The following FAM217A variants were observed in gnomAD, a reference collection of about 807,000 sequenced individuals.
FAM217A encodes family with sequence similarity 217 member A, also known as protein FAM217A.
Under a neutral mutation model 18.5 loss-of-function variants are expected in FAM217A, and 13 were observed. The ratio of observed to expected loss-of-function variants is 0.70; its 90% CI spans 0.46 to 1.12. The LOEUF (loss-of-function observed/expected upper bound fraction) is 1.12. Ranked by LOEUF, FAM217A falls within the 50% of genes most tolerant of loss-of-function variation. The probability of loss-of-function intolerance (pLI) is 0.00; values close to 1 mark genes in which losing one functional copy is unlikely to be tolerated. For synonymous variants in FAM217A, 161 were observed against 202.8 expected, an observed-to-expected ratio of 0.79 and a Z score of 1.75; for missense variants, 560 against 575.4, an observed-to-expected ratio of 0.97 and a Z score of 0.27.
At chr6:4,084,455 A>G (rs1234682780) in intron 2 of FAM217A, 1 of 597,588 alleles carries the variant, frequency 1.7e-6, no homozygotes, top group Non-Finnish European at 3.0e-6. Context: ...TGATTTCTGC[A>G]ATTTGAATTG....
chr6:4,081,865 T>C (rs1651224845), upstream of FAM217A, among the ~76,000 whole-genome samples: 1 of 152,254 alleles, frequency 6.6e-6, no homozygotes, highest in Admixed American at 6.5e-5. Flanking sequence ...TTTCCCCTCT[T>C]CCTTGCTTTG....
chr6:4,085,930 C>T (rs113720899), intron 1 of FAM217A, among the ~76,000 whole-genome samples: 42 of 150,596 alleles, frequency 2.8e-4, no homozygotes, highest in African/African-American at 5.9e-4. Flanking sequence ...GGTAACATAG[C>T]GAGACCCTGT....
chr6:4,085,251 A>T (rs1008837198), intron 1 of FAM217A, among the ~76,000 whole-genome samples: 1 of 151,688 alleles, frequency 6.6e-6, no homozygotes, highest in Non-Finnish European at 1.5e-5. Context: ...CTTTAATTAC[A>T]CTATAATTAG....
At chr6:4,078,177 C>CCGAGCAGCTGGGATTACAGG (rs1769982555) in intron 1 of FAM217A, among the ~76,000 whole-genome samples, 1 of 151,782 alleles carries the variant, frequency 6.6e-6, no homozygotes, top group Non-Finnish European at 1.5e-5. Flanking sequence ...CCTCAGCCTC[C>CCGAGCAGCTGGGATTACAGG]CGAGCAGCTG....
chr6:4,070,005 A>C (rs1276209909), intron 6 of FAM217A, 85 bp from the exon 7 acceptor site: 1 of 1,014,988 alleles, frequency 9.9e-7, no homozygotes, highest in Non-Finnish European at 1.4e-6. Context: ...ACCCTTTATC[A>C]AAGATTGGTT....
chr6:4,084,017 G>A (rs991318186), upstream of FAM217A, among the ~76,000 whole-genome samples: 3 of 152,156 alleles, frequency 2.0e-5, no homozygotes, highest in African/African-American at 4.8e-5. Flanking sequence ...ATGGTTTAGC[G>A]ATCTGGTCTT....
intron 6 of FAM217A, among the ~76,000 whole-genome samples, chr6:4,071,076 C>A (rs1351671156): frequency 6.6e-6 from 1 of 151,844 alleles, no homozygotes; most frequent in African/African-American, 2.4e-5. Context: ...TTTGAAAAAC[C>A]ACAGGAAAAT....
chr6:4,070,717 T>G (rs17137625), intron 6 of FAM217A, among the ~76,000 whole-genome samples: 2,469 of 152,294 alleles, frequency 0.016, 62 homozygotes, highest in African/African-American at 0.056. Flanking sequence ...TGAAAAATAC[T>G]TTCGAGGCCA....
chr6:4,081,907 A>C (rs1300085794), upstream of FAM217A, among the ~76,000 whole-genome samples: 1 of 152,192 alleles, frequency 6.6e-6, no homozygotes, highest in Non-Finnish European at 1.5e-5. Flanking sequence ...CTGTTATTTC[A>C]GAACTCAAAC....
upstream of FAM217A, chr6:4,079,489 C>A: frequency 1.9e-6 from 1 of 536,690 alleles, no homozygotes; most frequent in Non-Finnish European, 2.9e-6. Flanking sequence ...CCTTCTTCGG[C>A]CTTCCTGGGC....
At chr6:4,080,065 G>A (rs115467869), upstream of FAM217A, among the ~76,000 whole-genome samples, 25,046 of 151,856 alleles carry the variant, frequency 0.16, 3,434 homozygotes, top group East Asian at 0.36. Context: ...ATATATTTAG[G>A]TACAGCAAAT....
At position 4,077,371 on chromosome 6, in the gene FAM217A, G is replaced by A. The variant is rs1228108869; in HGVS notation, c.44C>T (p.Ser15Leu). Reference sequence around the variant, plus strand: ...CTGCCATACCTCCTGAGAGATGTTTGACACACGTAGGCTGTTAGCACAGTT... The same window carrying A: ...CTGCCATACCTCCTGAGAGATGTTTAACACACGTAGGCTGTTAGCACAGTT... ...NENCANSLRV[S>L]NISQENLSHW... The change falls in exon 2 of 7, where the codon TCA becomes TTA. Residue 15 changes from serine (S) to leucine (L), a missense_variant. Physicochemically the swap from Ser to Leu is moderately radical, Grantham distance 145 (BLOSUM62 -2). Coordinates refer to ENST00000274673, the MANE Select transcript of FAM217A (RefSeq NM_173563.3). The A allele has an allele frequency of 1.2e-6, 2 of 1,614,090 alleles. No individual in the cohort carries two copies. The highest frequency in any genetic ancestry group is 2.7e-5 in the African/African-American group (2 of 74,926).
In FAM217A at chr6:4,068,881, G is replaced by T; in HGVS notation, c.1342C>A (p.Pro448Thr). The T allele has an allele frequency of 6.2e-7, 1 of 1,614,134 alleles. No homozygotes were observed. The highest frequency in any genetic ancestry group is 8.5e-7 in the Non-Finnish European group (1 of 1,180,002). ...WRSPMPVSPI[P>T]LTFPENQKEE... is the part of the protein sequence containing the mutation. ...TTCTGATTTTCGGGAAAAGTCAGAG[G>T]TATAGGTGAAACTGGCATTGGAGAC... The change falls in exon 7 of 7, where the codon CCT becomes ACT. Residue 448 changes from proline to threonine, a missense_variant. Pro to Thr is a conservative substitution (Grantham distance 38). Transcript: ENST00000274673.
intron 2 of FAM217A, among the ~76,000 whole-genome samples, chr6:4,076,657 T>C (rs189641907): frequency 2.6e-5 from 4 of 152,188 alleles, no homozygotes; most frequent in Admixed American, 2.6e-4. Context: ...GGCGGGTGGA[T>C]CACTTGAGGT....
chr6:4,085,314 AT>A lies in FAM217A; in HGVS notation c.19-505del, dbSNP rs1254513305. On this transcript the variant is annotated intron_variant, in intron 1 of 8. Transcript: ENST00000639338. ...AGTGTTATTCATTGTAAAAAAAAAT[AT>A]ATATATATATATAAAATATGTAAAA... Among the ~76,000 whole-genome samples, 85 of 117,166 alleles carry A rather than the reference AT, an allele frequency of 7.3e-4. No individual in the cohort carries two copies. In the Middle Eastern group the frequency reaches 0.027, roughly 37 times the overall value. The allele number at this position is 117,166 out of a possible 152,430, so 76.9% of individuals were successfully genotyped here.
At chr6:4,085,462 C>T (rs2083739894) in intron 1 of FAM217A, among the ~76,000 whole-genome samples, 1 of 152,034 alleles carries the variant, frequency 6.6e-6, no homozygotes, top group Admixed American at 6.6e-5. Flanking sequence ...CTATTGAGAG[C>T]AATGACTAAG....
At chr6:4,079,612 G>T (rs1158051069), upstream of FAM217A, 6 of 1,286,300 alleles carry the variant, frequency 4.7e-6, no homozygotes, top group Non-Finnish European at 6.1e-6. Context: ...CTGGGACCCG[G>T]GGCCCGGCCC....
chr6:4,076,191 T>C (rs938500984), intron 2 of FAM217A, among the ~76,000 whole-genome samples: 1 of 151,588 alleles, frequency 6.6e-6, no homozygotes, highest in Non-Finnish European at 1.5e-5. Context: ...TAGCTGGGCG[T>C]GGTGGTGGGT....
At position 4,070,683 on chromosome 6, in the gene FAM217A, TAAC is replaced by T. The variant is rs144691970; in HGVS notation, c.303-766_303-764del. ...TTTTTAAGCCAGTTGACATTAAAGA[TAAC>T]AAAGTAATCTGGAAAAGTTTTGAAA... On this transcript the variant is annotated intron_variant, in intron 6 of 6. Transcript: ENST00000274673. Among the ~76,000 whole-genome samples, 1,446 of 152,280 alleles carry T rather than the reference TAAC, an allele frequency of 9.5e-3. 26 individuals carry two copies. The highest frequency in any genetic ancestry group is 0.033 in the African/African-American group (1,372 of 41,510).
Sources: allele counts gnomAD v4.1 joint callset (sites outside exome capture counted in the v4.1 genomes callset), GRCh38; gene constraint gnomAD v4.1.1; transcripts MANE v1.5; gene names NCBI Gene and HGNC (gene_info 2026-07-23, HGNC 2026-07-21).